The following CNTN4 variants were observed in gnomAD, a reference collection of about 807,000 sequenced individuals.
The protein encoded by CNTN4 is contactin-4.
CNTN4 carries 77 observed loss-of-function variants against 122.5 expected under a neutral mutation model. That is an observed-to-expected ratio of 0.63 (90% CI 0.52 to 0.76). The LOEUF (loss-of-function observed/expected upper bound fraction) is 0.76. CNTN4 is among the 30% of genes least tolerant of loss of function. The pLI, the probability that CNTN4 is intolerant of heterozygous loss-of-function variation, is 0.00. For synonymous variants in CNTN4, 512 were observed against 447.0 expected (o/e 1.15, Z -1.83); for missense variants, 1,256 against 1,259.1 (o/e 1.00, Z 0.04).
rs928919254 is a variant in CNTN4 at position 2,241,200 on chromosome 3, G to A, written c.-144-97978G>A. On this transcript the variant is annotated intron_variant, in intron 2 of 24. Transcript: ENST00000418658. Reference sequence around the variant, plus strand: ...TATGAATATGTAAATAGAGCACTTAGGTCTACTTATTTTCAGAGGCCAGTG... The same window carrying A: ...TATGAATATGTAAATAGAGCACTTAAGTCTACTTATTTTCAGAGGCCAGTG... Among the ~76,000 whole-genome samples, 50 of 152,022 alleles carry A rather than the reference G, an allele frequency of 3.3e-4. 1 individual carries two copies. Among genetic ancestry groups the A allele is most frequent in the African/African-American group, 1.2e-3 (50 of 41,394 alleles).
intron 4 of CNTN4, among the ~76,000 whole-genome samples, chr3:2,684,686 T>C (rs1233914971): frequency 6.6e-6 from 1 of 152,224 alleles, no homozygotes; most frequent in African/African-American, 2.4e-5. Context: ...TCTTCACTTA[T>C]AAATACTAGT....
chr3:2,159,096 ACTTCTTCCTG>A (rs1418493171), intron 2 of CNTN4, among the ~76,000 whole-genome samples: 3 of 152,032 alleles, frequency 2.0e-5, no homozygotes, highest in Non-Finnish European at 4.4e-5. Flanking sequence ...CAGGCCTATA[ACTTCTTCCTG>A]GAGCACCTTG....
At chr3:2,146,393 C>G (rs896194333) in intron 2 of CNTN4, among the ~76,000 whole-genome samples, 6 of 151,510 alleles carry the variant, frequency 4.0e-5, no homozygotes, top group Non-Finnish European at 5.9e-5. Flanking sequence ...ATAGTAATAT[C>G]TATGCATATA....
intron 6 of CNTN4, among the ~76,000 whole-genome samples, chr3:2,748,874 T>C (rs1345979003): frequency 6.6e-6 from 1 of 152,200 alleles, no homozygotes; most frequent in Non-Finnish European, 1.5e-5. Context: ...AATCTCAAAC[T>C]CATTACCATG....
chr3:2,545,363 T>C (rs751449094), intron 3 of CNTN4, among the ~76,000 whole-genome samples: 1 of 152,088 alleles, frequency 6.6e-6, no homozygotes, highest in African/African-American at 2.4e-5. Flanking sequence ...GTTCTGTAGA[T>C]GTCTTTTGGG....
rs762927913 is a variant in CNTN4, at chr3:2,925,592, G to C, written c.1208-37G>C. On this transcript the variant is annotated intron_variant, in intron 12 of 24. Transcript: ENST00000418658. ...CTAAGGAATTATCTCATGGAAGGCT[G>C]TCTTGCATAATAATTATTTTTTGTA... The C allele has an allele frequency of 2.5e-6, 4 of 1,599,360 alleles. No individual in the cohort carries two copies. In the South Asian group the frequency reaches 4.4e-5, roughly 18 times the overall value.
chr3:2,921,781 A>AT (rs1194592062), intron 12 of CNTN4, among the ~76,000 whole-genome samples: 1 of 152,216 alleles, frequency 6.6e-6, no homozygotes, highest in African/African-American at 2.4e-5. Context: ...AGGAGCTATC[A>AT]TTCTACTGTT....
chr3:3,000,965 G>T (rs1186566488), intron 14 of CNTN4, among the ~76,000 whole-genome samples: 1 of 146,408 alleles, frequency 6.8e-6, no homozygotes, highest in African/African-American at 2.5e-5. Flanking sequence ...CGCTAATTTT[G>T]AGTAATATAT....
chr3:2,590,578 A>C (rs2080423779), intron 4 of CNTN4, among the ~76,000 whole-genome samples: 1 of 151,862 alleles, frequency 6.6e-6, no homozygotes, highest in African/African-American at 2.4e-5. Context: ...AAGGCATATA[A>C]TGTCTTACAT....
At chr3:2,617,456 T>A (rs1469190827) in intron 4 of CNTN4, among the ~76,000 whole-genome samples, 1 of 130,986 alleles carries the variant, frequency 7.6e-6, no homozygotes, top group African/African-American at 2.9e-5. Context: ...AGTCTTGCAC[T>A]GTTGCCCAGG....
intron 2 of CNTN4, among the ~76,000 whole-genome samples, chr3:2,241,253 T>C (rs2039923906): frequency 6.6e-6 from 1 of 152,226 alleles, no homozygotes; most frequent in African/African-American, 2.4e-5. Flanking sequence ...GTTGTAGATA[T>C]CATAATTACT....
intron 4 of CNTN4, among the ~76,000 whole-genome samples, chr3:2,731,946 A>C (rs2088716476): frequency 6.6e-6 from 1 of 152,154 alleles, no homozygotes; most frequent in Admixed American, 6.5e-5. Context: ...TAGCTTCTGG[A>C]GTTCAACTAC....
At chr3:2,321,839 A>G (rs1011082051) in intron 2 of CNTN4, among the ~76,000 whole-genome samples, 1 of 152,150 alleles carries the variant, frequency 6.6e-6, no homozygotes, top group Admixed American at 6.6e-5. Flanking sequence ...ATTTAGTGAC[A>G]TGATTTGACC....
chr3:3,035,224 C>A (rs1034172532), intron 17 of CNTN4, among the ~76,000 whole-genome samples: 1 of 147,990 alleles, frequency 6.8e-6, no homozygotes, highest in African/African-American at 2.5e-5. Flanking sequence ...GGGAGGATTG[C>A]TTGAGCCCAG....
intron 6 of CNTN4, among the ~76,000 whole-genome samples, chr3:2,787,483 C>A (rs4143132): frequency 0.58 from 88,577 of 152,042 alleles, 25,733 homozygotes; most frequent in East Asian, 0.63. Flanking sequence ...CATTACATAC[C>A]GGAATTATTG....
At chr3:2,464,519 G>A (rs1013844232) in intron 3 of CNTN4, among the ~76,000 whole-genome samples, 6 of 152,226 alleles carry the variant, frequency 3.9e-5, no homozygotes, top group African/African-American at 1.4e-4. Context: ...GGGAAACAGA[G>A]GGAGGAAGAG....
At chr3:2,473,146 G>A (rs1003986123) in intron 3 of CNTN4, among the ~76,000 whole-genome samples, 6 of 149,712 alleles carry the variant, frequency 4.0e-5, no homozygotes, top group South Asian at 2.1e-4. Context: ...CAGGAGAATC[G>A]CTTGAACCCA....
intron 4 of CNTN4, among the ~76,000 whole-genome samples, chr3:2,592,176 C>T (rs916079039): frequency 8.5e-5 from 13 of 152,110 alleles, no homozygotes; most frequent in Admixed American, 3.3e-4. Flanking sequence ...CCACTGTGCC[C>T]GGCCTTCATT....
chr3:2,935,790 A>G (rs902288184), intron 13 of CNTN4, among the ~76,000 whole-genome samples: 1 of 152,194 alleles, frequency 6.6e-6, no homozygotes, highest in African/African-American at 2.4e-5. Context: ...GAAAAGTGCC[A>G]TTTGTGTTGG....
Sources: allele counts gnomAD v4.1 joint callset (sites outside exome capture counted in the v4.1 genomes callset), GRCh38; gene constraint gnomAD v4.1.1; transcripts MANE v1.5; gene names NCBI Gene and HGNC (gene_info 2026-07-23, HGNC 2026-07-21).